RAD50: variants seen among roughly 807,000 people sequenced by gnomAD.
RAD50 encodes the protein RAD50 double strand break repair protein.
RAD50 carries 132 observed loss-of-function variants against 168.8 expected under a neutral mutation model. The ratio of observed to expected loss-of-function variants is 0.78; its 90% CI spans 0.68 to 0.90. The LOEUF is 0.90. RAD50 is among the 40% of genes least tolerant of loss of function. The probability of loss-of-function intolerance (pLI) is 0.00; values close to 1 mark genes in which losing one functional copy is unlikely to be tolerated. For synonymous variants in RAD50, 525 were observed against 497.4 expected, an observed-to-expected ratio of 1.06 and a Z score of -0.74; for missense variants, 1,347 against 1,534.4, an observed-to-expected ratio of 0.88 and a Z score of 2.04.
In RAD50 at chr5:132,591,247, GAA is replaced by G; in HGVS notation, c.1480_1481del (p.Asn494GlnfsTer16). ...AGGAACGTGAGTTAAGCAAGGCTGA[GAA>G]AAACAGCAATGTAGAAACCTTAAAA... ...KAERELSKAE[K>X]NSNVETLKME... On this transcript the variant is annotated frameshift_variant, in exon 10 of 25. Coordinates refer to ENST00000378823, the MANE Select transcript of RAD50 (RefSeq NM_005732.4). LOFTEE classifies it high-confidence loss of function. 1 of 1,612,440 alleles carries G rather than the reference GAA, an allele frequency of 6.2e-7. No individual in the cohort carries two copies.
intron 13 of RAD50, among the ~76,000 whole-genome samples, chr5:132,601,535 A>T (rs1418919205): frequency 6.6e-6 from 1 of 152,200 alleles, no homozygotes; most frequent in South Asian, 2.1e-4. Context: ...AAGGCCAACT[A>T]CTAATCTGTG....
rs778112109 is a variant in RAD50 at position 132,568,196 on chromosome 5, G to A, written c.214-7581G>A. Among the ~76,000 whole-genome samples, 6 of 151,786 alleles carry A rather than the reference G, an allele frequency of 4.0e-5. No homozygotes were observed. The East Asian group carries it at 5.8e-4, about 15-fold the overall frequency. On this transcript the variant is annotated intron_variant, in intron 2 of 24. Transcript: ENST00000378823. ...GGCAATTTTCCTGCCTCAGCCTCCCGAGTAGCTGGAACTACAGGTGCCCAC... is the reference window on the plus strand; with the variant it reads ...GGCAATTTTCCTGCCTCAGCCTCCCAAGTAGCTGGAACTACAGGTGCCCAC...
At chr5:132,614,581 A>G (rs1474307256) in intron 19 of RAD50, among the ~76,000 whole-genome samples, 2 of 152,130 alleles carry the variant, frequency 1.3e-5, no homozygotes, top group Non-Finnish European at 2.9e-5. Context: ...CATATAGCCT[A>G]TCCATATCCT....
intron 19 of RAD50, among the ~76,000 whole-genome samples, chr5:132,613,626 T>C (rs1007741769): frequency 4.2e-5 from 6 of 144,490 alleles, no homozygotes; most frequent in African/African-American, 1.6e-4. Flanking sequence ...TTAAATTAGA[T>C]GGAGTCTTGC....
intron 24 of RAD50, chr5:132,641,802 T>G (rs887179983): frequency 3.1e-5 from 6 of 195,404 alleles, no homozygotes; most frequent in African/African-American, 1.4e-4. Flanking sequence ...TAGTAACAGG[T>G]CAGGAAAATC....
At chr5:132,604,204 C>G (rs1220406059) in intron 15 of RAD50, among the ~76,000 whole-genome samples, 158 bp downstream of exon 15, 1 of 151,594 alleles carries the variant, frequency 6.6e-6, no homozygotes, top group Non-Finnish European at 1.5e-5. Flanking sequence ...TCTCTTTGTT[C>G]TCTTACTTTG....
At chr5:132,574,182 AG>A (rs1334184598) in intron 2 of RAD50, among the ~76,000 whole-genome samples, 1 of 152,134 alleles carries the variant, frequency 6.6e-6, no homozygotes, top group Admixed American at 6.5e-5. Flanking sequence ...GTTTTCCATA[AG>A]GGCCCCACCC....
intron 19 of RAD50, among the ~76,000 whole-genome samples, chr5:132,611,324 G>A (rs1751081407): frequency 1.3e-5 from 2 of 151,854 alleles, no homozygotes; most frequent in African/African-American, 4.8e-5. Context: ...CTGGGAGGCA[G>A]AGATTGCAGT....
At chr5:132,582,544 C>T (rs1173585522) in intron 5 of RAD50, among the ~76,000 whole-genome samples, 1 of 152,172 alleles carries the variant, frequency 6.6e-6, no homozygotes, top group East Asian at 1.9e-4. Flanking sequence ...TTACTGATTC[C>T]CTTTATCTTC....
intron 5 of RAD50, among the ~76,000 whole-genome samples, chr5:132,584,872 A>G (rs1329464197): frequency 1.4e-5 from 2 of 146,616 alleles, no homozygotes; most frequent in Non-Finnish European, 3.0e-5. Flanking sequence ...GCATGTTCTC[A>G]CTCATAGGTG....
At chr5:132,602,491 GAC>G (rs1750905740) in intron 13 of RAD50, among the ~76,000 whole-genome samples, 1 of 152,132 alleles carries the variant, frequency 6.6e-6, no homozygotes, top group Non-Finnish European at 1.5e-5. Flanking sequence ...AAAATGGGTT[GAC>G]ATTTTGTACC....
chr5:132,610,389 A>T (rs140966896), intron 19 of RAD50, among the ~76,000 whole-genome samples: 1 of 152,178 alleles, frequency 6.6e-6, no homozygotes, highest in Non-Finnish European at 1.5e-5. Flanking sequence ...GTTGATTCCT[A>T]TATCATTTAT....
intron 5 of RAD50, among the ~76,000 whole-genome samples, chr5:132,586,674 C>G (rs1750600099): frequency 6.6e-6 from 1 of 152,020 alleles, no homozygotes; most frequent in Non-Finnish European, 1.5e-5. Flanking sequence ...CAATTGCTGT[C>G]TAAGCATTCC....
chr5:132,598,456 A>G (rs1750830514), intron 13 of RAD50, among the ~76,000 whole-genome samples: 1 of 152,206 alleles, frequency 6.6e-6, no homozygotes, highest in African/African-American at 2.4e-5. Flanking sequence ...GAGAACTGTA[A>G]TGTCTGTTCC....
At chr5:132,609,073 C>T (rs1429403809) in intron 17 of RAD50, 44 bp from the exon 18 acceptor site, 1 of 1,604,094 alleles carries the variant, frequency 6.2e-7, no homozygotes. Context: ...TGTTATGTGC[C>T]CTTAAGTACA....
intron 21 of RAD50, among the ~76,000 whole-genome samples, chr5:132,627,557 T>C (rs1326716681): frequency 6.6e-6 from 1 of 152,194 alleles, no homozygotes; most frequent in East Asian, 1.9e-4. Flanking sequence ...GTAGAGAGAA[T>C]AGTTACTGCA....
intron 13 of RAD50, 100 bp from the exon 14 acceptor site, chr5:132,603,200 C>A: frequency 1.8e-6 from 2 of 1,089,752 alleles, no homozygotes; most frequent in Non-Finnish European, 2.7e-6. Context: ...CTGAAAAGAA[C>A]ACAATGTCAC....
chr5:132,622,840 G>A (rs575360142), intron 21 of RAD50, among the ~76,000 whole-genome samples: 1 of 151,488 alleles, frequency 6.6e-6, no homozygotes, highest in African/African-American at 2.4e-5. Flanking sequence ...CCTTGTAGAG[G>A]TCCATCTACA....
At position 132,603,321 on chromosome 5, in the gene RAD50, GGA is replaced by G. The variant is rs762756025; in HGVS notation, c.2232_2233del (p.Lys745GlyfsTer14). 6.2e-7 allele frequency: 1 copy of G among 1,612,930 alleles called. No homozygotes were observed. The highest frequency in any genetic ancestry group is 8.5e-7 in the Non-Finnish European group (1 of 1,179,264). ...PMRQSIIDLK[E>X]KEIPELRNKL... ...TTAGGCAAAGCATAATTGATTTGAA[GGA>G]GAAGGAAATACCAGAATTAAGAAAC... On this transcript the variant is annotated frameshift_variant, in exon 14 of 25. Coordinates refer to ENST00000378823, the MANE Select transcript of RAD50 (RefSeq NM_005732.4). LOFTEE classifies it high-confidence loss of function.
Sources: allele counts gnomAD v4.1 joint callset (sites outside exome capture counted in the v4.1 genomes callset), GRCh38; gene constraint gnomAD v4.1.1; transcripts MANE v1.5; gene names NCBI Gene and HGNC (gene_info 2026-07-23, HGNC 2026-07-21).